KIF27: variants seen among roughly 807,000 people sequenced by gnomAD.
KIF27 encodes kinesin-like protein KIF27.
In KIF27, 84 loss-of-function variants were observed where a neutral mutation model predicts 141.8. The ratio of observed to expected loss-of-function variants is 0.59; its 90% CI spans 0.50 to 0.71. The LOEUF is 0.71. Ranked by LOEUF, KIF27 falls within the 30% of genes least tolerant of loss-of-function variation. The pLI, the probability that KIF27 is intolerant of heterozygous loss-of-function variation, is 0.00. For synonymous variants in KIF27, 471 were observed against 569.5 expected, an observed-to-expected ratio of 0.83 and a Z score of 2.46; for missense variants, 1,306 against 1,628.4, an observed-to-expected ratio of 0.80 and a Z score of 3.41.
At chr9:83,902,843 T>TA (rs1954068396) in intron 4 of KIF27, among the ~76,000 whole-genome samples, 1 of 152,068 alleles carries the variant, frequency 6.6e-6, no homozygotes, top group Non-Finnish European at 1.5e-5. Flanking sequence ...AAGAACAAAG[T>TA]AAGAGAGGCA....
In KIF27 at chr9:83,839,880, CT is replaced by C. The variant is rs1946363448; in HGVS notation, c.3721+2356del. On this transcript the variant is annotated intron_variant, in intron 17 of 17. Transcript: ENST00000297814. Reference sequence around the variant, plus strand: ...ATCGTTTGAACCTGGGAGGTGGAGGCTGCAGTGAGCTGAGATAGCACCACTG... The same window carrying C: ...ATCGTTTGAACCTGGGAGGTGGAGGCGCAGTGAGCTGAGATAGCACCACTG... Among the ~76,000 whole-genome samples, 3 of 152,110 alleles carry C rather than the reference CT, an allele frequency of 2.0e-5. No homozygotes were observed. In the South Asian group the frequency reaches 6.2e-4, roughly 32 times the overall value.
chr9:83,886,767 A>C (rs60530960), intron 9 of KIF27, among the ~76,000 whole-genome samples: 26,585 of 152,050 alleles, frequency 0.17, 2,886 homozygotes, highest in Non-Finnish European at 0.24. Context: ...AAAAAATAAA[A>C]TAAACATGTT....
chr9:83,849,983 C>G (rs565413164), intron 16 of KIF27, 116 bp downstream of exon 16: 1 of 906,600 alleles, frequency 1.1e-6, no homozygotes, highest in South Asian at 1.6e-5. Flanking sequence ...AAAAACTTGT[C>G]TAAGTAGCAA....
Position 83,903,205 on chromosome 9 carries a change from T to C in KIF27, c.1313A>G (p.Lys438Arg). ...TVRLNEKQQH[K>R]LQEWFNMIQE... is the part of the protein sequence containing the mutation. ...GATCATGTTAAACCACTCCTGCAGT[T>C]TGTGTTGCTGCTTTTCGTTTAGTCT... Residue 438 changes from lysine to arginine, a missense_variant, in exon 4 of 18, where the codon AAA becomes AGA. By Grantham distance (26) the Lys-to-Arg change is conservative. Around this residue, in one of 4 missense-constraint regions of KIF27, gnomAD observed 533 missense variants for 565.6 expected, o/e 0.94. Coordinates refer to ENST00000297814, the MANE Select transcript of KIF27 (RefSeq NM_017576.4). 1 of 1,614,164 alleles carries C rather than the reference T, an allele frequency of 6.2e-7. No individual in the cohort carries two copies. Among genetic ancestry groups the C allele is most frequent in the Non-Finnish European group, 8.5e-7 (1 of 1,180,034 alleles).
At chr9:83,844,352 C>CTA (rs1491542692) in intron 16 of KIF27, among the ~76,000 whole-genome samples, 2 of 50,620 alleles carry the variant, frequency 4.0e-5, no homozygotes, top group Admixed American at 2.6e-4. Context: ...ATATAGATAT[C>CTA]TATATCTATA....
At chr9:83,906,162 A>C (rs1486018807) in intron 3 of KIF27, among the ~76,000 whole-genome samples, 3 of 152,366 alleles carry the variant, frequency 2.0e-5, no homozygotes, top group South Asian at 4.1e-4. Context: ...AAACATCAGT[A>C]TGAATTCTAT....
In KIF27 at chr9:83,900,821, T is replaced by G. The variant is rs1190176651; in HGVS notation, c.1459-1017A>C. On this transcript the variant is annotated intron_variant, in intron 4 of 17. Coordinates refer to ENST00000297814, the MANE Select transcript of KIF27 (RefSeq NM_017576.4). ...CAAGCTTCCAATTACCAGTACTTCC[T>G]GTTCCACCAGTTTCTTATACTAATG... 1.3e-4 allele frequency among the ~76,000 whole-genome samples: 20 copies of G among 151,786 alleles called. 1 individual carries two copies. Among genetic ancestry groups the G allele is most frequent in the Admixed American group, 1.3e-3 (20 of 15,238 alleles).
At chr9:83,890,339 G>A (rs946254082) in intron 6 of KIF27, among the ~76,000 whole-genome samples, 1 of 151,902 alleles carries the variant, frequency 6.6e-6, no homozygotes, top group African/African-American at 2.4e-5. Flanking sequence ...ATGAGGGAGG[G>A]GAATTCTTTA....
chr9:83,898,965 A>G (rs985807509), intron 5 of KIF27: 5 of 152,548 alleles, frequency 3.3e-5, no homozygotes, highest in Non-Finnish European at 7.3e-5. Context: ...CAAAACAAAC[A>G]AAACAACAAC....
At position 83,888,147 on chromosome 9, in the gene KIF27, A is replaced by G. The variant is rs1002571488; in HGVS notation, c.2083+342T>C. Among the ~76,000 whole-genome samples, 75 of 134,076 alleles carry G rather than the reference A, an allele frequency of 5.6e-4. 1 individual carries two copies. Among genetic ancestry groups the G allele is most frequent in the Non-Finnish European group, 2.0e-4 (13 of 63,510 alleles). 88.0% of individuals were successfully genotyped at this position (134,076 alleles called of 152,430 possible). On this transcript the variant is annotated intron_variant, in intron 8 of 17. Coordinates refer to ENST00000297814, the MANE Select transcript of KIF27 (RefSeq NM_017576.4). ...ATCATTGATGTTAGGCACAAGTCCC[A>G]GTGAAGGAGTAGACACCTAGTACAA...
intron 2 of KIF27, 77 bp from the exon 3 acceptor site, chr9:83,908,729 T>G: frequency 1.2e-6 from 1 of 846,464 alleles, no homozygotes. Flanking sequence ...TATAGTTAAT[T>G]TATTTTACTA....
chr9:83,840,535 T>G (rs1395772930), intron 17 of KIF27, among the ~76,000 whole-genome samples: 1 of 152,152 alleles, frequency 6.6e-6, no homozygotes, highest in Non-Finnish European at 1.5e-5. Flanking sequence ...TAAAGAAATG[T>G]CTAGTAGACT....
intron 10 of KIF27, among the ~76,000 whole-genome samples, chr9:83,883,480 A>C (rs1476599491): frequency 6.6e-6 from 1 of 152,194 alleles, no homozygotes; most frequent in East Asian, 1.9e-4. Flanking sequence ...AGTGTCTACA[A>C]AGTGTCATAT....
intron 16 of KIF27, among the ~76,000 whole-genome samples, chr9:83,846,243 A>G (rs892527932): frequency 6.6e-6 from 1 of 152,202 alleles, no homozygotes; most frequent in African/African-American, 2.4e-5. Flanking sequence ...GAAAGGGCAG[A>G]GGTTTGTCCT....
intron 13 of KIF27, among the ~76,000 whole-genome samples, chr9:83,866,273 T>C (rs1038939274): frequency 9.2e-5 from 14 of 151,484 alleles, no homozygotes; most frequent in African/African-American, 3.1e-4. Context: ...GGAAAACATC[T>C]AAAGCATTCC....
At chr9:83,853,974 C>T (rs1205101574) in intron 14 of KIF27, 139 bp from the exon 15 acceptor site, 18 of 651,684 alleles carry the variant, frequency 2.8e-5, no homozygotes, top group East Asian at 8.2e-5. Context: ...GTTTTTTGAG[C>T]GCTTGCTATG....
At chr9:83,860,882 G>T (rs1482311370) in intron 13 of KIF27, among the ~76,000 whole-genome samples, 2 of 140,330 alleles carry the variant, frequency 1.4e-5, no homozygotes, top group Non-Finnish European at 3.1e-5. Context: ...CTTGATGGGA[G>T]ATTTTTTTTT....
rs2131879457 is a variant in KIF27 at position 83,860,462 on chromosome 9, A to T, written c.2935-1091T>A. On this transcript the variant is annotated intron_variant, in intron 13 of 17. Coordinates refer to ENST00000297814, the MANE Select transcript of KIF27 (RefSeq NM_017576.4). ...CTTCCCAACCTCCTCCATTCTCCCA[A>T]TATAAGTTACATTACAGTTTTTAGT... Among the ~76,000 whole-genome samples, 3 of 152,254 alleles carry T rather than the reference A, an allele frequency of 2.0e-5. No individual in the cohort carries two copies. In the East Asian group the frequency reaches 5.8e-4, roughly 29 times the overall value.
intron 12 of KIF27, among the ~76,000 whole-genome samples, chr9:83,870,300 G>T (rs1290860486): frequency 6.6e-6 from 1 of 152,036 alleles, no homozygotes; most frequent in Non-Finnish European, 1.5e-5. Flanking sequence ...CCAAGTAGCT[G>T]GGATTACAAG....
Sources: gnomAD v4.1 joint callset for allele counts (sites outside exome capture counted in the v4.1 genomes callset) on GRCh38, gnomAD v4.1.1 for gene constraint, gnomAD v4.1.1 regional missense constraint, MANE v1.5 for transcripts, NCBI Gene and HGNC (gene_info 2026-07-23, HGNC 2026-07-21) for gene names.